WDR1: variants seen among roughly 807,000 people sequenced by gnomAD.
WDR1 encodes the protein WD repeat-containing protein 1.
WDR1 carries 21 observed loss-of-function variants against 71.9 expected under a neutral mutation model. That is an observed-to-expected ratio of 0.29 (90% CI 0.21 to 0.42). The LOEUF is 0.42. Among genes scored for constraint, WDR1 ranks in the 10% least tolerant of loss-of-function variants. WDR1 has a pLI of 1.00. For synonymous variants in WDR1, 424 were observed against 347.4 expected (o/e 1.22, Z -2.45); for missense variants, 696 against 824.5 (o/e 0.84, Z 1.91).
intron 3 of WDR1, among the ~76,000 whole-genome samples, chr4:10,099,945 C>G (rs1712589689): frequency 6.6e-6 from 1 of 152,200 alleles, no homozygotes; most frequent in Admixed American, 6.5e-5. Flanking sequence ...CCACGTACCC[C>G]CAATCCCCCA....
rs945345736 is a variant in WDR1, at chr4:10,093,166, T to G, written c.559-4425A>C. ...CTGTCTCCAGCACACACATGCTCACTACCTACCTAGTCAGCTCAGGAACCC... is the reference window on the plus strand; with the variant it reads ...CTGTCTCCAGCACACACATGCTCACGACCTACCTAGTCAGCTCAGGAACCC... On this transcript the variant is annotated intron_variant, in intron 5 of 14. Transcript: ENST00000499869. 307 of 1,288,526 alleles carry G rather than the reference T, an allele frequency of 2.4e-4. 1 individual carries two copies. The highest frequency in any genetic ancestry group is 4.4e-4 in the Admixed American group (19 of 43,532). The allele number at this position is 1,288,526 out of a possible 1,614,324, so 79.8% of individuals were successfully genotyped here.
chr4:10,097,091 C>G (rs916118925), intron 5 of WDR1, among the ~76,000 whole-genome samples: 2 of 152,262 alleles, frequency 1.3e-5, no homozygotes, highest in African/African-American at 2.4e-5. Flanking sequence ...CTGCTGGCCC[C>G]GGCACACCCC....
intron 1 of WDR1, 31 bp from the exon 2 acceptor site, chr4:10,116,265 C>G: frequency 1.9e-6 from 3 of 1,612,576 alleles, no homozygotes; most frequent in Non-Finnish European, 2.5e-6. Context: ...CGGGGCATGT[C>G]AGGGCAGGGC....
At chr4:10,115,311 G>A (rs1435616152) in intron 2 of WDR1, among the ~76,000 whole-genome samples, 5 of 152,200 alleles carry the variant, frequency 3.3e-5, no homozygotes, top group Admixed American at 6.5e-5. Flanking sequence ...CAATTACAGA[G>A]GAATAACATG....
At chr4:10,084,591 C>T (rs931652648) in intron 8 of WDR1, 61 bp from the exon 9 acceptor site, 26 of 1,509,358 alleles carry the variant, frequency 1.7e-5, no homozygotes, top group African/African-American at 2.8e-5. Flanking sequence ...CTCTGCCACC[C>T]GCTTTCCACC....
chr4:10,088,482 C>T, intron 6 of WDR1, 109 bp from the exon 7 acceptor site: 2 of 1,241,378 alleles, frequency 1.6e-6, no homozygotes, highest in South Asian at 1.3e-5. Flanking sequence ...AGACTAAGCT[C>T]CCAGTGTGGT....
At chr4:10,113,326 A>G (rs923967373) in intron 2 of WDR1, among the ~76,000 whole-genome samples, 1 of 152,160 alleles carries the variant, frequency 6.6e-6, no homozygotes, top group Non-Finnish European at 1.5e-5. Context: ...ACGCCACCGC[A>G]CTCCAGCTTG....
intron 3 of WDR1, among the ~76,000 whole-genome samples, chr4:10,101,894 C>G (rs749962401): frequency 2.6e-4 from 40 of 152,370 alleles, no homozygotes; most frequent in Middle Eastern, 3.4e-3. Context: ...AATGAAGAGA[C>G]TTTTGCTGGC....
intron 3 of WDR1, among the ~76,000 whole-genome samples, chr4:10,099,849 G>A (rs1246415594): frequency 6.6e-6 from 1 of 152,210 alleles, no homozygotes; most frequent in East Asian, 1.9e-4. Flanking sequence ...TGTTGCGGGG[G>A]AAGGAGAATT....
intron 5 of WDR1, among the ~76,000 whole-genome samples, chr4:10,095,186 G>C (rs960813459): frequency 1.3e-5 from 2 of 152,242 alleles, no homozygotes; most frequent in African/African-American, 4.8e-5. Flanking sequence ...CCTGAGCGCT[G>C]GTGCGGAGGC....
intron 4 of WDR1, 106 bp from the exon 5 acceptor site, chr4:10,097,997 G>A (rs1712456629): frequency 1.7e-6 from 2 of 1,198,280 alleles, no homozygotes. Flanking sequence ...AGAGGATGGA[G>A]TGACTGTCAG....
chr4:10,088,914 G>A (rs977577125), intron 5 of WDR1, among the ~76,000 whole-genome samples, 173 bp from the exon 6 acceptor site: 1 of 152,186 alleles, frequency 6.6e-6, no homozygotes, highest in African/African-American at 2.4e-5. Flanking sequence ...TTAGTGGAGG[G>A]GCAGGAGTCT....
At position 10,075,260 on chromosome 4, in the gene WDR1, C is replaced by T. The variant is rs1764755833; in HGVS notation, c.*118G>A. 2.4e-6 allele frequency: 2 copies of T among 829,764 alleles called. No homozygotes were observed. Among genetic ancestry groups the T allele is most frequent in the African/African-American group, 1.7e-5 (1 of 59,842 alleles). 51.4% of individuals were successfully genotyped at this position (829,764 alleles called of 1,614,324 possible). A position where few individuals can be genotyped will look rare whatever the true frequency, so the allele number is the denominator to read the frequency against. ...CGAGGGTCATGACTGGGCCCTCCTG[C>T]CTCTTGTGGTGGGGTGGGGGCATGG... is the stretch of plus-strand genomic sequence containing the variant. On this transcript the variant is annotated 3_prime_UTR_variant, in exon 15 of 15. Transcript: ENST00000499869.
chr4:10,098,953 C>G, intron 4 of WDR1, 39 bp downstream of exon 4: 3 of 1,612,812 alleles, frequency 1.9e-6, no homozygotes, highest in Non-Finnish European at 2.5e-6. Flanking sequence ...GCATGAGCCA[C>G]AGCAACAGGG....
intron 3 of WDR1, among the ~76,000 whole-genome samples, chr4:10,103,010 CTT>C (rs1256689804): frequency 2.6e-5 from 4 of 152,180 alleles, no homozygotes; most frequent in South Asian, 2.1e-4. Flanking sequence ...TCCTGTACCT[CTT>C]GTTCCCATCT....
chr4:10,075,718 C>A, intron 14 of WDR1: 1 of 576,284 alleles, frequency 1.7e-6, no homozygotes, highest in African/African-American at 1.9e-5. Flanking sequence ...GGGTAATTAG[C>A]AGCATCCCTG....
intron 1 of WDR1, 196 bp downstream of exon 1, chr4:10,116,455 G>A: frequency 5.2e-6 from 4 of 767,782 alleles, no homozygotes; most frequent in South Asian, 2.4e-5. Context: ...GGCCCACGGC[G>A]CCAACTTGGG....
chr4:10,078,908 C>T lies in WDR1; in HGVS notation c.1378G>A (p.Val460Met). ...VVAVHPGGDT[V>M]AIGGVDGNVR... ...CGACTTACCACACCCCCAATTGCCA[C>T]CGTGTCCCCGCCGGGGTGCACTGCC... The change falls in exon 12 of 15, where the codon GTG (valine) becomes ATG (methionine). Residue 460 changes from valine to methionine, a missense_variant. By Grantham distance (21) the Val-to-Met change is conservative. Coordinates refer to ENST00000499869, the MANE Select transcript of WDR1 (RefSeq NM_017491.5). 1 of 1,612,782 alleles carries T rather than the reference C, an allele frequency of 6.2e-7. No homozygotes were observed. The highest frequency in any genetic ancestry group is 8.5e-7 in the Non-Finnish European group (1 of 1,179,304).
intron 1 of WDR1, 146 bp from the exon 2 acceptor site, chr4:10,116,380 A>C: frequency 1.6e-6 from 2 of 1,230,180 alleles, no homozygotes; most frequent in Non-Finnish European, 2.2e-6. Context: ...AGCGCCAGGA[A>C]CCGCGCGACT....
Sources: gnomAD v4.1 joint callset for allele counts (sites outside exome capture counted in the v4.1 genomes callset) on GRCh38, gnomAD v4.1.1 for gene constraint, MANE v1.5 for transcripts, NCBI Gene and HGNC (gene_info 2026-07-23, HGNC 2026-07-21) for gene names.